Variants in LRRC4C observed in about 807,000 individuals in gnomAD.
The protein encoded by LRRC4C is leucine rich repeat containing 4C, also known as leucine-rich repeat-containing protein 4C.
In LRRC4C, 5 loss-of-function variants were observed where a neutral mutation model predicts 33.6. The observed-to-expected ratio is 0.15, with a 90% CI of 0.08 to 0.31. LRRC4C has a LOEUF of 0.31. Among genes scored for constraint, LRRC4C ranks in the 10% least tolerant of loss-of-function variants. The probability of loss-of-function intolerance (pLI) is 1.00; values close to 1 mark genes in which losing one functional copy is unlikely to be tolerated. For synonymous variants in LRRC4C, 329 were observed against 302.0 expected, an observed-to-expected ratio of 1.09 and a Z score of -0.93; for missense variants, 560 against 796.7, an observed-to-expected ratio of 0.70 and a Z score of 3.58.
At chr11:40,172,077 G>A (rs1860095352) in intron 5 of LRRC4C, among the ~76,000 whole-genome samples, 1 of 152,066 alleles carries the variant, frequency 6.6e-6, no homozygotes, top group East Asian at 1.9e-4. Context: ...AGCCATGTGA[G>A]GACATAATGT....
At chr11:40,496,522 T>A (rs930547501) in intron 3 of LRRC4C, among the ~76,000 whole-genome samples, 12 of 152,126 alleles carry the variant, frequency 7.9e-5, no homozygotes, top group African/African-American at 2.7e-4. Context: ...TATTTTATTA[T>A]TATTTTTTTT....
intron 2 of LRRC4C, among the ~76,000 whole-genome samples, chr11:40,720,555 C>T (rs1412742982): frequency 6.6e-6 from 1 of 152,092 alleles, no homozygotes; most frequent in African/African-American, 2.4e-5. Context: ...ATTATATAAA[C>T]CAGGGGATTC....
At chr11:41,102,246 A>G (rs564129833) in intron 1 of LRRC4C, among the ~76,000 whole-genome samples, 1 of 152,134 alleles carries the variant, frequency 6.6e-6, no homozygotes, top group Non-Finnish European at 1.5e-5. Context: ...CTTGAATAAA[A>G]AATGTTTATT....
chr11:41,216,475 A>G (rs1947069758), intron 1 of LRRC4C, among the ~76,000 whole-genome samples: 1 of 151,260 alleles, frequency 6.6e-6, no homozygotes, highest in Admixed American at 6.6e-5. Context: ...AAAAAAAAAA[A>G]GGTAGGTAGA....
At chr11:41,306,034 A>AG (rs796145733) in intron 1 of LRRC4C, among the ~76,000 whole-genome samples, 78 of 115,966 alleles carry the variant, frequency 6.7e-4, no homozygotes, top group African/African-American at 2.1e-3. Flanking sequence ...AAAAAAAAAA[A>AG]AAAAAAGAAA....
intron 1 of LRRC4C, among the ~76,000 whole-genome samples, chr11:41,071,731 G>T: frequency 6.6e-6 from 1 of 152,160 alleles, no homozygotes; most frequent in Non-Finnish European, 1.5e-5. Context: ...ATTTTGAAAA[G>T]CTCTAGCTAC....
At chr11:41,006,477 T>C (rs1240372070) in intron 1 of LRRC4C, among the ~76,000 whole-genome samples, 2 of 152,150 alleles carry the variant, frequency 1.3e-5, no homozygotes, top group African/African-American at 2.4e-5. Flanking sequence ...GCTACCATAA[T>C]TCATTAGCAT....
At chr11:40,453,575 C>A (rs1169467657) in intron 3 of LRRC4C, among the ~76,000 whole-genome samples, 1 of 149,088 alleles carries the variant, frequency 6.7e-6, no homozygotes, top group Non-Finnish European at 1.5e-5. Flanking sequence ...TTTTATGATG[C>A]CAGTATTACC....
chr11:40,460,878 T>C (rs1212023366), intron 3 of LRRC4C, among the ~76,000 whole-genome samples: 1 of 152,134 alleles, frequency 6.6e-6, no homozygotes, highest in Non-Finnish European at 1.5e-5. Context: ...AAAACAATCA[T>C]AATGAGATAC....
In LRRC4C at chr11:40,666,882, C is replaced by T. The variant is rs563380847; in HGVS notation, c.-406-18604G>A. Among the ~76,000 whole-genome samples the T allele has an allele frequency of 4.6e-5, 7 of 152,202 alleles. No individual in the cohort carries two copies. In the East Asian group the frequency reaches 1.4e-3, roughly 29 times the overall value. ...TAAAATAACAACTTCCTCCTGAGGT[C>T]CCTCCAAATATTTGTGAAAGATAAC... On this transcript the variant is annotated intron_variant, in intron 2 of 6. Transcript: ENST00000528697.
intron 2 of LRRC4C, among the ~76,000 whole-genome samples, chr11:40,794,248 C>G (rs11604276): frequency 6.6e-6 from 1 of 151,838 alleles, no homozygotes; most frequent in African/African-American, 2.4e-5. Context: ...GCAATACATT[C>G]TGAGAGACTA....
At chr11:40,937,608 T>C (rs1957963362) in intron 1 of LRRC4C, among the ~76,000 whole-genome samples, 1 of 118,358 alleles carries the variant, frequency 8.4e-6, no homozygotes, top group Admixed American at 9.8e-5. Context: ...TGTATATGTG[T>C]GTGTGTGTGT....
intron 1 of LRRC4C, among the ~76,000 whole-genome samples, chr11:41,037,574 T>TTACACACACACA (rs1857161245): frequency 6.7e-6 from 1 of 148,862 alleles, no homozygotes; most frequent in Non-Finnish European, 1.5e-5. Flanking sequence ...TCTTTTCCTT[T>TTACACACACACA]CACACACACA....
intron 3 of LRRC4C, among the ~76,000 whole-genome samples, chr11:40,354,854 C>G (rs1284111044): frequency 6.6e-6 from 1 of 152,082 alleles, no homozygotes; most frequent in East Asian, 1.9e-4. Flanking sequence ...GGTACCCAAG[C>G]TGTAAGACAA....
chr11:41,345,838 T>C (rs1398374754), intron 1 of LRRC4C, among the ~76,000 whole-genome samples: 1 of 152,132 alleles, frequency 6.6e-6, no homozygotes, highest in African/African-American at 2.4e-5. Context: ...TCCTGATGAA[T>C]TCTATAATAC....
At chr11:41,377,301 T>C (rs541644846) in intron 1 of LRRC4C, among the ~76,000 whole-genome samples, 16 of 152,268 alleles carry the variant, frequency 1.1e-4, no homozygotes, top group Middle Eastern at 3.4e-3. Flanking sequence ...ACAAAGTTCC[T>C]CTCCCCATAC....
chr11:40,934,025 G>GA (rs1361754530), intron 1 of LRRC4C, among the ~76,000 whole-genome samples: 1 of 151,944 alleles, frequency 6.6e-6, no homozygotes, highest in Non-Finnish European at 1.5e-5. Context: ...TTTAACAAAG[G>GA]AAAAAAGGCA....
intron 4 of LRRC4C, among the ~76,000 whole-genome samples, chr11:40,302,512 G>A (rs1376078638): frequency 6.6e-6 from 1 of 152,080 alleles, no homozygotes; most frequent in Non-Finnish European, 1.5e-5. Context: ...TTTCTTTGAA[G>A]AGGCCCATCC....
intron 1 of LRRC4C, among the ~76,000 whole-genome samples, chr11:40,965,080 G>A (rs563999528): frequency 2.6e-5 from 4 of 152,116 alleles, no homozygotes; most frequent in African/African-American, 4.8e-5. Context: ...GTGTGAGATG[G>A]TATCTCATTG....
Sources: allele counts gnomAD v4.1 joint callset (sites outside exome capture counted in the v4.1 genomes callset), GRCh38; gene constraint gnomAD v4.1.1; transcripts MANE v1.5; gene names NCBI Gene and HGNC (gene_info 2026-07-23, HGNC 2026-07-21).